EXOC6B: variants seen among roughly 807,000 people sequenced by gnomAD.
The protein encoded by EXOC6B is SEC15 homolog B.
A neutral mutation model predicts 113.5 loss-of-function variants in EXOC6B; 54 were observed. The ratio of observed to expected loss-of-function variants is 0.48; its 90% CI spans 0.38 to 0.60. The LOEUF (loss-of-function observed/expected upper bound fraction) is 0.60. EXOC6B is among the 20% of genes least tolerant of loss of function. EXOC6B has a pLI of 0.00. For missense variants in EXOC6B, 797 were observed against 977.5 expected (o/e 0.82, Z 2.46); for synonymous variants, 357 against 339.0 (o/e 1.05, Z -0.58).
At chr2:72,401,480 AAAT>A (rs1233872125) in intron 18 of EXOC6B, among the ~76,000 whole-genome samples, 1 of 122,944 alleles carries the variant, frequency 8.1e-6, no homozygotes, top group Non-Finnish European at 1.7e-5. Flanking sequence ...AAAACACAGA[AAAT>A]ATTTTATATA....
intron 20 of EXOC6B, among the ~76,000 whole-genome samples, chr2:72,242,838 T>A (rs1331116107): frequency 6.6e-6 from 1 of 152,198 alleles, no homozygotes; most frequent in Non-Finnish European, 1.5e-5. Context: ...GCTCAAGTGA[T>A]CTTCCCACCT....
intron 20 of EXOC6B, among the ~76,000 whole-genome samples, chr2:72,213,736 C>G (rs1680335211): frequency 6.6e-6 from 1 of 152,128 alleles, no homozygotes; most frequent in South Asian, 2.1e-4. Flanking sequence ...GCAGAACCCT[C>G]ATCAATGGAA....
intron 1 of EXOC6B, among the ~76,000 whole-genome samples, chr2:72,805,559 G>T (rs1219244056): frequency 6.6e-6 from 1 of 152,068 alleles, no homozygotes; most frequent in Admixed American, 6.6e-5. Flanking sequence ...ATGATGTTTT[G>T]ATATATGTAT....
At chr2:72,587,824 C>T (rs1430061589) in intron 6 of EXOC6B, among the ~76,000 whole-genome samples, 3 of 150,778 alleles carry the variant, frequency 2.0e-5, no homozygotes, top group African/African-American at 7.3e-5. Context: ...TTAAATGCAA[C>T]AACAACAACA....
chr2:72,782,106 C>T (rs1684078435), intron 1 of EXOC6B, among the ~76,000 whole-genome samples: 1 of 149,350 alleles, frequency 6.7e-6, no homozygotes, highest in African/African-American at 2.5e-5. Context: ...AACCACTGCA[C>T]TCCAGCCTGG....
At position 72,655,398 on chromosome 2, in the gene EXOC6B, A is replaced by G. The variant is rs374696461; in HGVS notation, c.669+62705T>C. Among the ~76,000 whole-genome samples, 23 of 152,186 alleles carry G rather than the reference A, an allele frequency of 1.5e-4. 2 individuals carry two copies. Among genetic ancestry groups the G allele is most frequent in the African/African-American group, 4.6e-4 (19 of 41,562 alleles). ...ATCAGGCAGACATCAGACTTCTACCATAAATGCAAGAAGACAATGGAGGAA... is the reference window on the plus strand; with the variant it reads ...ATCAGGCAGACATCAGACTTCTACCGTAAATGCAAGAAGACAATGGAGGAA... On this transcript the variant is annotated intron_variant, in intron 6 of 21. Coordinates refer to ENST00000272427, the MANE Select transcript of EXOC6B (RefSeq NM_015189.3).
rs552703331 is a variant in EXOC6B, at chr2:72,443,823, C to T, written c.1980+21337G>A. On this transcript the variant is annotated intron_variant, in intron 18 of 21. Transcript: ENST00000272427. ...GTTACCTCCTACTGGGTCCCTCCCA[C>T]GACATGTGGGAATTACAGGAGCTAT... is the stretch of plus-strand genomic sequence containing the variant. Among the ~76,000 whole-genome samples, 18 of 152,284 alleles carry T rather than the reference C, an allele frequency of 1.2e-4. 1 individual carries two copies. Among genetic ancestry groups the T allele is most frequent in the African/African-American group, 2.2e-4 (9 of 41,564 alleles).
At chr2:72,685,644 A>T (rs1558916984) in intron 6 of EXOC6B, among the ~76,000 whole-genome samples, 1 of 152,186 alleles carries the variant, frequency 6.6e-6, no homozygotes, top group Non-Finnish European at 1.5e-5. Context: ...CAGCTTTTCT[A>T]CTCTAAGTAC....
intron 20 of EXOC6B, among the ~76,000 whole-genome samples, chr2:72,252,792 C>T (rs1042631120): frequency 2.0e-5 from 3 of 152,182 alleles, no homozygotes; most frequent in African/African-American, 7.2e-5. Context: ...GTGATGGGAT[C>T]ATTTGTGCCC....
At chr2:72,499,827 C>A (rs1700230530) in intron 12 of EXOC6B, 74 bp downstream of exon 12, 2 of 1,039,798 alleles carry the variant, frequency 1.9e-6, no homozygotes, top group Non-Finnish European at 2.9e-6. Flanking sequence ...AGCCACCAGA[C>A]CCAGTCAAGA....
intron 6 of EXOC6B, among the ~76,000 whole-genome samples, chr2:72,682,376 A>G (rs190540051): frequency 6.6e-6 from 1 of 152,348 alleles, no homozygotes; most frequent in Non-Finnish European, 1.5e-5. Flanking sequence ...AAATGCAGAC[A>G]GTAGTAACAT....
At chr2:72,226,992 A>G (rs1681284993) in intron 20 of EXOC6B, among the ~76,000 whole-genome samples, 1 of 152,220 alleles carries the variant, frequency 6.6e-6, no homozygotes, top group Non-Finnish European at 1.5e-5. Flanking sequence ...ATATAAAACC[A>G]AAAGAATTAT....
intron 6 of EXOC6B, among the ~76,000 whole-genome samples, chr2:72,619,571 G>A (rs1261757994): frequency 6.6e-6 from 1 of 152,140 alleles, no homozygotes; most frequent in African/African-American, 2.4e-5. Context: ...CAAGAAGACA[G>A]ACCAAAGTAT....
At chr2:72,509,339 A>G (rs908813823) in intron 11 of EXOC6B, among the ~76,000 whole-genome samples, 16 of 152,326 alleles carry the variant, frequency 1.1e-4, no homozygotes, top group African/African-American at 3.8e-4. Context: ...ATTTCCTTAC[A>G]GTAGCCTGAG....
intron 20 of EXOC6B, among the ~76,000 whole-genome samples, chr2:72,228,233 G>A (rs566468819): frequency 6.6e-6 from 1 of 152,180 alleles, no homozygotes; most frequent in South Asian, 2.1e-4. Flanking sequence ...TGAGTAAAAT[G>A]GGAGAAAAAG....
At chr2:72,645,392 G>A (rs1431154411) in intron 6 of EXOC6B, among the ~76,000 whole-genome samples, 2 of 151,994 alleles carry the variant, frequency 1.3e-5, no homozygotes, top group African/African-American at 4.8e-5. Flanking sequence ...GAGACAGAAG[G>A]TTAACAAGGA....
chr2:72,228,363 C>A (rs1389732033), intron 20 of EXOC6B, among the ~76,000 whole-genome samples: 1 of 151,792 alleles, frequency 6.6e-6, no homozygotes, highest in Non-Finnish European at 1.5e-5. Context: ...GTGTGCTGCA[C>A]CCATTAACTC....
At chr2:72,345,171 G>A (rs775238766) in intron 19 of EXOC6B, among the ~76,000 whole-genome samples, 10 of 152,122 alleles carry the variant, frequency 6.6e-5, no homozygotes, top group Non-Finnish European at 1.0e-4. Flanking sequence ...GCCTTCCCCT[G>A]GAAGTTGCAA....
intron 9 of EXOC6B, 83 bp downstream of exon 9, chr2:72,514,960 C>G: frequency 1.0e-6 from 1 of 991,868 alleles, no homozygotes; most frequent in South Asian, 1.7e-5. Context: ...CACAGACACA[C>G]ACACACACAC....
Sources: allele counts gnomAD v4.1 joint callset (sites outside exome capture counted in the v4.1 genomes callset), GRCh38; gene constraint gnomAD v4.1.1; transcripts MANE v1.5; gene names NCBI Gene and HGNC (gene_info 2026-07-23, HGNC 2026-07-21).